ACACB: variants seen among roughly 807,000 people sequenced by gnomAD.
ACACB encodes the protein acetyl-CoA carboxylase 2.
In ACACB, 209 loss-of-function variants were observed where a neutral mutation model predicts 278.8. That is an observed-to-expected ratio of 0.75 (90% CI 0.67 to 0.84). The LOEUF (loss-of-function observed/expected upper bound fraction) is 0.84. ACACB is among the 40% of genes least tolerant of loss of function. ACACB has a pLI of 0.00. For synonymous variants in ACACB, 1,174 were observed against 1,285.6 expected, an observed-to-expected ratio of 0.91 and a Z score of 1.86; for missense variants, 2,850 against 3,269.0, an observed-to-expected ratio of 0.87 and a Z score of 3.13.
intron 1 of ACACB, among the ~76,000 whole-genome samples, chr12:109,139,155 C>A (rs1207806784): frequency 6.6e-6 from 1 of 152,148 alleles, no homozygotes; most frequent in Non-Finnish European, 1.5e-5. Flanking sequence ...TGATTGGCTT[C>A]TTTAACTTAG....
At chr12:109,228,202 G>T (rs2046370273) in intron 28 of ACACB, among the ~76,000 whole-genome samples, 1 of 151,774 alleles carries the variant, frequency 6.6e-6, no homozygotes, top group Admixed American at 6.6e-5. Flanking sequence ...AGCCTGGCAT[G>T]GTGGTGTGCA....
At chr12:109,216,500 A>G in intron 22 of ACACB, 118 bp from the exon 23 acceptor site, 1 of 1,031,674 alleles carries the variant, frequency 9.7e-7, no homozygotes, top group Non-Finnish European at 1.4e-6. Context: ...GATTACAGGC[A>G]TGAGCCACCA....
chr12:109,152,270 A>G (rs901801196), intron 2 of ACACB, among the ~76,000 whole-genome samples: 7 of 152,066 alleles, frequency 4.6e-5, no homozygotes, highest in African/African-American at 1.7e-4. Context: ...AAATATCTTC[A>G]TTTCTTGATT....
chr12:109,227,527 C>T, intron 28 of ACACB, 38 bp downstream of exon 28: 1 of 1,586,086 alleles, frequency 6.3e-7, no homozygotes, highest in Non-Finnish European at 8.7e-7. Context: ...GCCTGTGTTT[C>T]TGTTCTTCCT....
Position 109,167,008 on chromosome 12 carries a change from C to A in ACACB, c.786+15C>A, listed in dbSNP as rs377009180. ...TCATCGAGAAGGTACAGATGGGTCT[C>A]GGCACTCTGGGTGGGGTCCGATTGG... On this transcript the variant is annotated intron_variant, in intron 3 of 52. Coordinates refer to ENST00000338432, the MANE Select transcript of ACACB (RefSeq NM_001093.4). 8 of 1,613,694 alleles carry A rather than the reference C, an allele frequency of 5.0e-6. No individual in the cohort carries two copies. The highest frequency in any genetic ancestry group is 6.8e-6 in the Non-Finnish European group (8 of 1,179,928).
In ACACB at chr12:109,232,673, A is replaced by G; in HGVS notation, c.4006A>G (p.Thr1336Ala). 6.2e-7 allele frequency: 1 copy of G among 1,613,764 alleles called. No individual in the cohort carries two copies. The change falls in exon 29 of 53, where the codon ACC becomes GCC. Residue 1336 changes from threonine to alanine, a missense_variant. Transcript: ENST00000338432. ...MLPSSHPNRM[T>A]VPISITNPDL... is the part of the protein sequence containing the mutation. ...CGACTTGCCATCACCTTACAGGATGACCGTGCCCATCAGCATCACCAACCC... is the reference window on the plus strand; with the variant it reads ...CGACTTGCCATCACCTTACAGGATGGCCGTGCCCATCAGCATCACCAACCC...
intron 1 of ACACB, among the ~76,000 whole-genome samples, chr12:109,124,327 G>C (rs1353864464): frequency 6.6e-6 from 1 of 152,062 alleles, no homozygotes; most frequent in Non-Finnish European, 1.5e-5. Context: ...CCATATTCTG[G>C]ATTTGGCTGA....
At chr12:109,259,431 TA>T (rs2047319464) in intron 47 of ACACB, among the ~76,000 whole-genome samples, 1 of 151,760 alleles carries the variant, frequency 6.6e-6, no homozygotes, top group South Asian at 2.1e-4. Flanking sequence ...AATAAATGTT[TA>T]AAAAATTAGC....
At chr12:109,193,977 G>A (rs965923493) in intron 16 of ACACB, among the ~76,000 whole-genome samples, 2 of 152,186 alleles carry the variant, frequency 1.3e-5, no homozygotes, top group African/African-American at 4.8e-5. Context: ...GCGGTAACAA[G>A]GTACCACAAA....
At chr12:109,216,975 CG>C (rs1326548337) in intron 24 of ACACB, 55 bp downstream of exon 24, 1 of 1,580,450 alleles carries the variant, frequency 6.3e-7, no homozygotes, top group Non-Finnish European at 8.6e-7. Flanking sequence ...AGTCCACAAA[CG>C]TTTTCTTAAA....
At chr12:109,170,280 G>C (rs2044067725) in intron 4 of ACACB, among the ~76,000 whole-genome samples, 1 of 152,032 alleles carries the variant, frequency 6.6e-6, no homozygotes, top group Non-Finnish European at 1.5e-5. Flanking sequence ...GGCCAGGCTA[G>C]TCTTGAACTC....
intron 2 of ACACB, among the ~76,000 whole-genome samples, chr12:109,159,719 C>T (rs1415679176): frequency 6.6e-6 from 1 of 151,938 alleles, no homozygotes. Flanking sequence ...CACTAGATGC[C>T]AGTAGCGCAT....
chr12:109,191,757 A>G lies in ACACB; in HGVS notation c.2289A>G (p.Lys763=), dbSNP rs1167815417. 6.2e-7 allele frequency: 1 copy of G among 1,614,152 alleles called. No homozygotes were observed. Among genetic ancestry groups the G allele is most frequent in the Admixed American group, 1.7e-5 (1 of 60,010 alleles). Residue 763 remains lysine, a synonymous_variant, in exon 14 of 53, where the codon AAA becomes AAG. Coordinates refer to ENST00000338432, the MANE Select transcript of ACACB (RefSeq NM_001093.4). ...TGWLDYLIAE[K]VQAEKPDIML... ...GGTTGGACTACCTCATTGCTGAGAAAGTGCAGGTAGGGAGTGAGCTGCCTG... is the reference window on the plus strand; with the variant it reads ...GGTTGGACTACCTCATTGCTGAGAAGGTGCAGGTAGGGAGTGAGCTGCCTG...
intron 9 of ACACB, among the ~76,000 whole-genome samples, chr12:109,177,654 A>G (rs1358388394): frequency 6.6e-6 from 1 of 152,066 alleles, no homozygotes; most frequent in Non-Finnish European, 1.5e-5. Context: ...GCCCGGTTTC[A>G]CTCGTTAACA....
chr12:109,264,204 CT>C (rs772755690), intron 49 of ACACB, 27 bp from the exon 50 acceptor site: 2 of 1,611,398 alleles, frequency 1.2e-6, no homozygotes, highest in African/African-American at 2.7e-5. Flanking sequence ...GCTTCCATGG[CT>C]TGACTGGCCT....
At chr12:109,167,673 C>T (rs2043965064) in intron 3 of ACACB, among the ~76,000 whole-genome samples, 1 of 122,410 alleles carries the variant, frequency 8.2e-6, no homozygotes, top group Admixed American at 8.9e-5. Context: ...AACAGCCATC[C>T]ATCCATCCAT....
chr12:109,202,442 G>T (rs913255036), intron 19 of ACACB, among the ~76,000 whole-genome samples: 5 of 152,108 alleles, frequency 3.3e-5, no homozygotes, highest in African/African-American at 1.2e-4. Flanking sequence ...AGCCTCCTGA[G>T]TAGCTGGGGA....
intron 11 of ACACB, among the ~76,000 whole-genome samples, 154 bp downstream of exon 11, chr12:109,180,241 T>C (rs2044421825): frequency 6.6e-6 from 1 of 152,216 alleles, no homozygotes; most frequent in African/African-American, 2.4e-5. Flanking sequence ...AAAGCTATAG[T>C]TCTCCCTGGG....
chr12:109,245,691 A>C lies in ACACB; in HGVS notation c.5244A>C (p.Leu1748Phe). The change falls in exon 38 of 53, where the codon TTA becomes TTC. Residue 1748 changes from leucine (L) to phenylalanine (F), a missense_variant. By Grantham distance (22) the Leu-to-Phe change is conservative. Around this residue, in one of 3 missense-constraint regions of ACACB, gnomAD observed 2,265 missense variants for 2,561.3 expected, o/e 0.88. Coordinates refer to ENST00000338432, the MANE Select transcript of ACACB (RefSeq NM_001093.4). ...YPKDILTYTELVLDSQGQLVE... is the reference protein window; with the variant it reads ...YPKDILTYTEFVLDSQGQLVE... The stretch of plus-strand genomic sequence containing the variant: ...AAGACATCCTGACATACACTGAATT[A>C]GTGTTGGACTCTCAGGGCCAGCTGG... 1 of 1,614,152 alleles carries C rather than the reference A, an allele frequency of 6.2e-7. No homozygotes were observed. The highest frequency in any genetic ancestry group is 1.7e-5 in the Admixed American group (1 of 60,028).
Sources: gnomAD v4.1 joint callset for allele counts (sites outside exome capture counted in the v4.1 genomes callset) on GRCh38, gnomAD v4.1.1 for gene constraint, gnomAD v4.1.1 regional missense constraint, MANE v1.5 for transcripts, NCBI Gene and HGNC (gene_info 2026-07-23, HGNC 2026-07-21) for gene names.